The following CRMP1 variants were observed in gnomAD, a reference collection of about 807,000 sequenced individuals.
CRMP1 encodes the protein dihydropyrimidinase-related protein 1.
A neutral mutation model predicts 68.3 loss-of-function variants in CRMP1; 19 were observed. The ratio of observed to expected loss-of-function variants is 0.28; its 90% CI spans 0.19 to 0.41. The LOEUF (loss-of-function observed/expected upper bound fraction) is 0.41, where lower values mean the gene tolerates loss of function less well. Ranked by LOEUF, CRMP1 falls within the 10% of genes least tolerant of loss-of-function variation. CRMP1 has a pLI of 1.00. For missense variants in CRMP1, 791 were observed against 967.4 expected (o/e 0.82, Z 2.42); for synonymous variants, 439 against 399.6 (o/e 1.10, Z -1.18).
In CRMP1 at chr4:5,825,284, T is replaced by C; in HGVS notation, c.1969+210A>G. The C allele has an allele frequency of 5.1e-6, 5 of 985,342 alleles. No homozygotes were observed. The highest frequency in any genetic ancestry group is 6.0e-6 in the Non-Finnish European group (5 of 829,914). 61.0% of individuals were successfully genotyped at this position (985,342 alleles called of 1,614,324 possible). A position where few individuals can be genotyped will look rare whatever the true frequency, so the allele number is the denominator to read the frequency against. ...TAAACCCACATCAGGTACCACCATG[T>C]TGCCCCCCTAACATGGACCCCCCTC... On this transcript the variant is annotated intron_variant, in intron 13 of 13. Coordinates refer to ENST00000324989, the MANE Select transcript of CRMP1 (RefSeq NM_001014809.3). This position sits in a 1 kb window ranked among gnomAD's most constrained non-coding sequence, Gnocchi z 4.4.
chr4:5,862,832 A>G (rs1436079857), intron 2 of CRMP1, among the ~76,000 whole-genome samples: 1 of 152,170 alleles, frequency 6.6e-6, no homozygotes, highest in Non-Finnish European at 1.5e-5. Context: ...TTTTGGAGAT[A>G]GGGTCTCTGT....
In CRMP1 at chr4:5,827,381, G is replaced by T. The variant is rs151164922; in HGVS notation, c.1803+1108C>A. ...ACCCCATCCCTTGTTTCCCCATCCA[G>T]TGCAAAGCATCTGTGCGACTTGGTG... On this transcript the variant is annotated intron_variant, in intron 12 of 13. Coordinates refer to ENST00000324989, the MANE Select transcript of CRMP1 (RefSeq NM_001014809.3). 3.2e-4 allele frequency among the ~76,000 whole-genome samples: 49 copies of T among 152,260 alleles called. No individual in the cohort carries two copies. The East Asian group carries it at 7.9e-3, about 25-fold the overall frequency.
intron 8 of CRMP1, among the ~76,000 whole-genome samples, chr4:5,840,158 C>T (rs111474586): frequency 3.9e-5 from 6 of 152,260 alleles, no homozygotes; most frequent in African/African-American, 1.2e-4. Context: ...GATTTCTCAT[C>T]GAGGCACAGC....
rs777709266 is a variant in CRMP1 at position 5,836,744 on chromosome 4, TGA to T, written c.1452+19_1452+20del. ...AGGTAGAGTGTTTCTAGAATGCTCC[TGA>T]GAAGAGATCCAGCCTTACCACCGCC... On this transcript the variant is annotated intron_variant, in intron 10 of 13. Transcript: ENST00000324989. 6.2e-7 allele frequency: 1 copy of T among 1,614,024 alleles called. No individual in the cohort carries two copies. The highest frequency in any genetic ancestry group is 1.1e-5 in the South Asian group (1 of 91,078).
Position 5,843,055 on chromosome 4 carries a change from T to C in CRMP1, c.1032+38A>G, listed in dbSNP as rs28678319. 5.0e-3 allele frequency: 8,041 copies of C among 1,596,922 alleles called. 346 individuals are homozygous for C. The African/African-American group carries it at 0.094, about 19-fold the overall frequency. On this transcript the variant is annotated intron_variant, in intron 7 of 13. Transcript: ENST00000324989. The surrounding 1 kb of genome is among the most constrained non-coding windows in gnomAD (Gnocchi z 4.1). ...CAGCATCAAGGTGAGTGCTCAGTGG[T>C]GAGTGTCAGAGTCATGCCCAAGTTG...
rs1011318207 is a variant in CRMP1, at chr4:5,863,856, A to G, written c.471-2646T>C. Among the ~76,000 whole-genome samples, 6 of 152,014 alleles carry G rather than the reference A, an allele frequency of 3.9e-5. 1 individual carries two copies. The highest frequency in any genetic ancestry group is 2.4e-5 in the African/African-American group (1 of 41,368). ...CCGAGGTGGTCCCCGGCTCTTCCAC[A>G]CCTACCCTTCTCAGCCTGCAGGATG... On this transcript the variant is annotated intron_variant, in intron 2 of 13. Transcript: ENST00000324989.
At chr4:5,826,698 G>A (rs1401465837) in intron 12 of CRMP1, 1 of 152,288 alleles carries the variant, frequency 6.6e-6, no homozygotes, top group Admixed American at 6.5e-5. Flanking sequence ...CCTGTACAGG[G>A]TCCCAGCATG....
rs552228667 is a variant in CRMP1, at chr4:5,838,727, G to A, written c.1310+795C>T. ...TAGTCAAAGGTTTCTGTATCATCAG[G>A]GGGATGGTGATTTCCACGTGGGCGC... On this transcript the variant is annotated intron_variant, in intron 9 of 13. Transcript: ENST00000324989. This position sits in a 1 kb window ranked among gnomAD's most constrained non-coding sequence, Gnocchi z 4.9. Among the ~76,000 whole-genome samples the A allele has an allele frequency of 6.6e-6, 1 of 152,224 alleles. No individual in the cohort carries two copies. Among genetic ancestry groups the A allele is most frequent in the East Asian group, 1.9e-4 (1 of 5,182 alleles).
rs148717534 is a variant in CRMP1 at position 5,824,483 on chromosome 4, C to CCT, written c.1969+1009_1969+1010dup. 1.7e-3 allele frequency: 1,621 copies of CCT among 928,292 alleles called. 1 individual carries two copies. The highest frequency in any genetic ancestry group is 1.8e-3 in the Non-Finnish European group (1,381 of 779,046). 57.5% of individuals were successfully genotyped at this position (928,292 alleles called of 1,614,324 possible). On this transcript the variant is annotated intron_variant, in intron 13 of 13. Transcript: ENST00000324989. The stretch of plus-strand genomic sequence containing the variant: ...CACACAATCTGAATTCACACGTCAT[C>CCT]CTCTCTCTCTCTCTCTCTTTGCCCC...
intron 1 of CRMP1, among the ~76,000 whole-genome samples, chr4:5,874,987 T>G (rs1435570973): frequency 6.6e-6 from 1 of 152,164 alleles, no homozygotes; most frequent in Non-Finnish European, 1.5e-5. Context: ...AAATGTCTCA[T>G]GAGTCAGAGG....
intron 1 of CRMP1, among the ~76,000 whole-genome samples, chr4:5,876,026 G>A (rs1469382226): frequency 3.3e-5 from 5 of 151,938 alleles, no homozygotes; most frequent in East Asian, 1.9e-4. Flanking sequence ...GGTGGCAGGC[G>A]CCTGTAGTCC....
chr4:5,847,709 C>T (rs1439974967), intron 6 of CRMP1, among the ~76,000 whole-genome samples: 5 of 152,322 alleles, frequency 3.3e-5, no homozygotes, highest in East Asian at 3.9e-4. Context: ...TCTTCCACTG[C>T]GCTCTGGAAC....
At chr4:5,874,670 C>T (rs554263755) in intron 1 of CRMP1, among the ~76,000 whole-genome samples, 2 of 146,974 alleles carry the variant, frequency 1.4e-5, no homozygotes, top group Non-Finnish European at 3.0e-5. Flanking sequence ...AGAAAGAGAA[C>T]GTTTGAAAAG....
At chr4:5,839,749 T>C (rs1486009695) in intron 8 of CRMP1, 71 bp from the exon 9 acceptor site, 2 of 1,490,132 alleles carry the variant, frequency 1.3e-6, no homozygotes, top group Non-Finnish European at 1.8e-6. Context: ...AGGCACAAAA[T>C]TGGAAGACTG....
Position 5,866,397 on chromosome 4 carries a change from G to C in CRMP1, c.470+271C>G, listed in dbSNP as rs566736912. 3.1e-4 allele frequency among the ~76,000 whole-genome samples: 47 copies of C among 152,346 alleles called. No homozygotes were observed. Among genetic ancestry groups the C allele is most frequent in the Non-Finnish European group, 5.1e-4 (35 of 68,034 alleles). ...TCCAAAACCACAAAACAGGAAACGT[G>C]TCTGCATTTTGCAGCCTTTGTGTGA... On this transcript the variant is annotated intron_variant, in intron 2 of 13. Coordinates refer to ENST00000324989, the MANE Select transcript of CRMP1 (RefSeq NM_001014809.3). The surrounding 1 kb of genome is among the most constrained non-coding windows in gnomAD (Gnocchi z 5.9).
chr4:5,843,693 G>GTA lies in CRMP1; in HGVS notation c.964-534_964-533dup, dbSNP rs1309745574. Among the ~76,000 whole-genome samples, 1 of 152,174 alleles carries GTA rather than the reference G, an allele frequency of 6.6e-6. No homozygotes were observed. Among genetic ancestry groups the GTA allele is most frequent in the Non-Finnish European group, 1.5e-5 (1 of 68,038 alleles). ...CTGTACACTGGGGATAACGGTGCTT[G>GTA]TACTGCAGAGTTACTACGCTGATCA... On this transcript the variant is annotated intron_variant, in intron 6 of 13. Transcript: ENST00000324989. This position sits in a 1 kb window ranked among gnomAD's most constrained non-coding sequence, Gnocchi z 4.1.
At chr4:5,851,074 G>C (rs1368047238) in intron 5 of CRMP1, among the ~76,000 whole-genome samples, 1 of 152,196 alleles carries the variant, frequency 6.6e-6, no homozygotes, top group Non-Finnish European at 1.5e-5. Flanking sequence ...GAGCTTTCGG[G>C]AAGTACAGGC....
At position 5,889,823 on chromosome 4, in the gene CRMP1, C is replaced by T; in HGVS notation, c.381+2766G>A. ...CAGGGGCCAGTCCCCTAATCCAGGG[C>T]AGGAGGCCAGAGACACCTGGGCCTT... On this transcript the variant is annotated intron_variant, in intron 1 of 13. Transcript: ENST00000324989. This position sits in a 1 kb window ranked among gnomAD's most constrained non-coding sequence, Gnocchi z 4.5. 6.7e-7 allele frequency: 1 copy of T among 1,492,196 alleles called. No individual in the cohort carries two copies. Among genetic ancestry groups the T allele is most frequent in the African/African-American group, 1.4e-5 (1 of 71,772 alleles). 92.4% of individuals were successfully genotyped at this position (1,492,196 alleles called of 1,614,324 possible). A position where few individuals can be genotyped will look rare whatever the true frequency, so the allele number is the denominator to read the frequency against.
rs1038309013 is a variant in CRMP1 at position 5,825,213 on chromosome 4, ATG to A, written c.1969+279_1969+280del. The A allele has an allele frequency of 3.5e-5, 34 of 985,136 alleles. No individual in the cohort carries two copies. Among genetic ancestry groups the A allele is most frequent in the Non-Finnish European group, 4.0e-5 (33 of 829,900 alleles). 61.0% of individuals were successfully genotyped at this position (985,136 alleles called of 1,614,324 possible). On this transcript the variant is annotated intron_variant, in intron 13 of 13. Coordinates refer to ENST00000324989, the MANE Select transcript of CRMP1 (RefSeq NM_001014809.3). The surrounding 1 kb of genome is among the most constrained non-coding windows in gnomAD (Gnocchi z 4.4). ...AGGAAGAGTGTGAAAGTGTCCCCAA[ATG>A]TGTGTAAGGATGAGCACTGGGACAA... is the stretch of plus-strand genomic sequence containing the variant.
Sources: allele counts gnomAD v4.1 joint callset (sites outside exome capture counted in the v4.1 genomes callset), GRCh38; gene constraint gnomAD v4.1.1; non-coding constraint Gnocchi (gnomAD v3.1); transcripts MANE v1.5; gene names NCBI Gene and HGNC (gene_info 2026-07-23, HGNC 2026-07-21).